TDG: variants seen among roughly 807,000 people sequenced by gnomAD.
TDG encodes thymine DNA glycosylase, also known as G/T mismatch-specific thymine DNA glycosylase.
A neutral mutation model predicts 46.1 loss-of-function variants in TDG; 23 were observed. That is an observed-to-expected ratio of 0.50 (90% CI 0.36 to 0.71). The LOEUF is 0.71. TDG is among the 30% of genes least tolerant of loss of function. The pLI is 0.00. For missense variants in TDG, 304 were observed against 486.7 expected, an observed-to-expected ratio of 0.62 and a Z score of 3.53; for synonymous variants, 115 against 161.3, an observed-to-expected ratio of 0.71 and a Z score of 2.18.
In TDG at chr12:103,979,975, T is replaced by TA. The variant is rs1210323742; in HGVS notation, c.316dup (p.Arg106LysfsTer7). 1.2e-6 allele frequency: 2 copies of TA among 1,612,900 alleles called. No homozygotes were observed. The highest frequency in any genetic ancestry group is 2.7e-5 in the African/African-American group (2 of 74,914). ...GAAAAAATTACAGACACATTTAAAG[T>TA]AAAAAGAAAAGTAGACCGTTTTAAT... On this transcript the variant is annotated frameshift_variant, in exon 3 of 10. Coordinates refer to ENST00000392872, the MANE Select transcript of TDG (RefSeq NM_003211.6). LOFTEE classifies it high-confidence loss of function.
At chr12:103,972,412 C>T (rs1389632023) in intron 1 of TDG, among the ~76,000 whole-genome samples, 5 of 152,172 alleles carry the variant, frequency 3.3e-5, no homozygotes, top group South Asian at 4.1e-4. Flanking sequence ...CCACTGTTTC[C>T]GGCCAGTTAT....
chr12:103,976,368 C>T (rs559581545), intron 1 of TDG, among the ~76,000 whole-genome samples: 2 of 152,040 alleles, frequency 1.3e-5, no homozygotes, highest in East Asian at 3.9e-4. Flanking sequence ...GATCACACTA[C>T]TGCACTCCAA....
intron 4 of TDG, among the ~76,000 whole-genome samples, chr12:103,981,527 G>A (rs748265541): frequency 4.6e-5 from 7 of 152,046 alleles, no homozygotes; most frequent in Non-Finnish European, 8.8e-5. Context: ...GAGCTACAAC[G>A]CCCAGCCAAG....
In TDG at chr12:103,983,133, T is replaced by G; in HGVS notation, c.615-3T>G. 6.6e-7 allele frequency: 1 copy of G among 1,522,992 alleles called. No individual in the cohort carries two copies. Among genetic ancestry groups the G allele is most frequent in the Non-Finnish European group, 8.9e-7 (1 of 1,127,376 alleles). 94.3% of individuals were successfully genotyped at this position (1,522,992 alleles called of 1,614,324 possible). On this transcript the variant is annotated splice_polypyrimidine_tract_variant and splice_region_variant and intron_variant, in intron 5 of 9. Coordinates refer to ENST00000392872, the MANE Select transcript of TDG (RefSeq NM_003211.6). ...TTTTGACTACTTTTTAATTCAATTTTAGTAAAGAATTTCGTGAAGGAGGAC... is the reference window on the plus strand; with the variant it reads ...TTTTGACTACTTTTTAATTCAATTTGAGTAAAGAATTTCGTGAAGGAGGAC...
At chr12:103,974,026 A>G (rs1393250375) in intron 1 of TDG, among the ~76,000 whole-genome samples, 1 of 152,134 alleles carries the variant, frequency 6.6e-6, no homozygotes, top group African/African-American at 2.4e-5. Flanking sequence ...ACCCTTAAAG[A>G]TAGCTGGAAG....
rs1871574572 is a variant in TDG, at chr12:103,976,989, T to C, written c.95T>C (p.Met32Thr). 1.2e-6 allele frequency: 2 copies of C among 1,614,058 alleles called. No homozygotes were observed. Among genetic ancestry groups the C allele is most frequent in the Non-Finnish European group, 1.7e-6 (2 of 1,180,008 alleles). The change falls in exon 2 of 10, where the codon ATG becomes ACG. Residue 32 changes from methionine (M) to threonine (T), a missense_variant. Met to Thr is a moderately conservative substitution (Grantham distance 81, BLOSUM62 -1). Coordinates refer to ENST00000392872, the MANE Select transcript of TDG (RefSeq NM_003211.6). ...CAACTGATGGCTGAAGCTCCTAATA[T>C]GGCAGTTGTGAATGAACAGCAAATG... The part of the protein sequence containing the change: ...FQQLMAEAPN[M>T]AVVNEQQMPE...
chr12:103,969,317 A>T (rs1030585854), intron 1 of TDG, among the ~76,000 whole-genome samples: 1 of 152,224 alleles, frequency 6.6e-6, no homozygotes, highest in African/African-American at 2.4e-5. Flanking sequence ...CTGCTTCTCT[A>T]GCTAGCAAAT....
intron 1 of TDG, among the ~76,000 whole-genome samples, chr12:103,974,753 G>C (rs181015252): frequency 1.3e-5 from 2 of 151,968 alleles, no homozygotes; most frequent in Admixed American, 1.3e-4. Context: ...GGTGGATCGC[G>C]AGGTCAGGAG....
rs1411748772 is a variant in TDG at position 103,987,360 on chromosome 12, C to A, written c.*270C>A. The A allele has an allele frequency of 2.4e-6, 1 of 409,024 alleles. No homozygotes were observed. The highest frequency in any genetic ancestry group is 3.9e-5 in the Admixed American group (1 of 25,896). The allele number at this position is 409,024 out of a possible 1,614,324, so 25.3% of individuals were successfully genotyped here. A position where few individuals can be genotyped will look rare whatever the true frequency, so the allele number is the denominator to read the frequency against. ...TTTCATTTATGAAGAAATTGATTTT[C>A]TTTTGGGAGTCACTTTTAATCTGTA... On this transcript the variant is annotated 3_prime_UTR_variant, in exon 10 of 10. Coordinates refer to ENST00000392872, the MANE Select transcript of TDG (RefSeq NM_003211.6).
intron 9 of TDG, chr12:103,986,349 A>G (rs1404566742): frequency 6.6e-6 from 1 of 152,242 alleles, no homozygotes; most frequent in Admixed American, 6.5e-5. Flanking sequence ...TTGCTTAACT[A>G]TTTTAATAAT....
chr12:103,976,768 A>G, intron 1 of TDG, 150 bp from the exon 2 acceptor site: 2 of 908,308 alleles, frequency 2.2e-6, no homozygotes, highest in Non-Finnish European at 3.3e-6. Flanking sequence ...ATACAGGACT[A>G]GATCTCTCCT....
intron 1 of TDG, among the ~76,000 whole-genome samples, chr12:103,974,288 T>TGTC (rs1326429403): frequency 6.6e-6 from 1 of 151,688 alleles, no homozygotes; most frequent in Admixed American, 6.6e-5. Context: ...TTGTTGTTGT[T>TGTC]GTTATTGAGG....
rs1233010816 is a variant in TDG at position 103,987,318 on chromosome 12, G to C, written c.*228G>C. 3.8e-6 allele frequency: 2 copies of C among 523,674 alleles called. No individual in the cohort carries two copies. The highest frequency in any genetic ancestry group is 6.6e-6 in the Non-Finnish European group (2 of 305,174). 32.4% of individuals were successfully genotyped at this position (523,674 alleles called of 1,614,324 possible). A position where few individuals can be genotyped will look rare whatever the true frequency, so the allele number is the denominator to read the frequency against. The stretch of plus-strand genomic sequence containing the variant: ...TGTATTTGAATTAATTATCATTCCA[G>C]CTTTTTATATACTATATTTCATTTA... On this transcript the variant is annotated 3_prime_UTR_variant, in exon 10 of 10. Coordinates refer to ENST00000392872, the MANE Select transcript of TDG (RefSeq NM_003211.6).
At chr12:103,966,489 C>T (rs1000935131) in intron 1 of TDG, among the ~76,000 whole-genome samples, 4 of 152,164 alleles carry the variant, frequency 2.6e-5, no homozygotes, top group African/African-American at 4.8e-5. Flanking sequence ...TTTGTTGCGG[C>T]TTCCCCCCAC....
At chr12:103,973,331 C>T (rs1449771567) in intron 1 of TDG, among the ~76,000 whole-genome samples, 11 of 152,142 alleles carry the variant, frequency 7.2e-5, no homozygotes, top group South Asian at 2.1e-4. Flanking sequence ...GTGATCCGCC[C>T]GCCTTGACCT....
chr12:103,985,026 T>C, intron 8 of TDG, 106 bp downstream of exon 8: 1 of 913,614 alleles, frequency 1.1e-6, no homozygotes, highest in Non-Finnish European at 1.5e-6. Flanking sequence ...CACATATACA[T>C]ATGTGTGCAC....
rs746177447 is a variant in TDG, at chr12:103,978,868, T to G, written c.167-963T>G. Among the ~76,000 whole-genome samples, 105 of 152,100 alleles carry G rather than the reference T, an allele frequency of 6.9e-4. 1 individual carries two copies. The highest frequency in any genetic ancestry group is 1.8e-4 in the Non-Finnish European group (12 of 68,008). On this transcript the variant is annotated intron_variant, in intron 2 of 9. Coordinates refer to ENST00000392872, the MANE Select transcript of TDG (RefSeq NM_003211.6). ...AGGGGTGCTATTAAACATTCTGTAATGTGCAGTACAGCCACCCACAACAAA... is the reference window on the plus strand; with the variant it reads ...AGGGGTGCTATTAAACATTCTGTAAGGTGCAGTACAGCCACCCACAACAAA...
chr12:103,985,151 CTA>C (rs767635759), intron 8 of TDG, among the ~76,000 whole-genome samples: 1 of 105,358 alleles, frequency 9.5e-6, no homozygotes, highest in Non-Finnish European at 2.0e-5. Context: ...ATGTGTGTGT[CTA>C]TATATAGACA....
At chr12:103,971,771 TC>T (rs1181965853) in intron 1 of TDG, among the ~76,000 whole-genome samples, 1 of 152,174 alleles carries the variant, frequency 6.6e-6, no homozygotes, top group African/African-American at 2.4e-5. Flanking sequence ...AAGTTTAACA[TC>T]AGGAAGTTAT....
Sources: allele counts gnomAD v4.1 joint callset (sites outside exome capture counted in the v4.1 genomes callset), GRCh38; gene constraint gnomAD v4.1.1; transcripts MANE v1.5; gene names NCBI Gene and HGNC (gene_info 2026-07-23, HGNC 2026-07-21).